CSMD1: variants seen among roughly 807,000 people sequenced by gnomAD.
CSMD1 encodes CUB and Sushi multiple domains 1.
CSMD1 carries 213 observed loss-of-function variants against 417.5 expected under a neutral mutation model. That is an observed-to-expected ratio of 0.51 (90% CI 0.46 to 0.57). CSMD1 has a LOEUF of 0.57. Ranked by LOEUF, CSMD1 falls within the 20% of genes least tolerant of loss-of-function variation. CSMD1 has a pLI of 0.00. For synonymous variants in CSMD1, 2,862 were observed against 1,736.8 expected (o/e 1.65, Z -16.11); for missense variants, 6,923 against 4,529.7 (o/e 1.53, Z -15.17).
In CSMD1 at chr8:3,394,628, G is replaced by C. The variant is rs965736308; in HGVS notation, c.2593+1566C>G. 0.04 allele frequency among the ~76,000 whole-genome samples: 5 copies of C among 124 alleles called. No individual in the cohort carries two copies. In the East Asian group the frequency reaches 0.5, roughly 12 times the overall value. The allele number at this position is 124 out of a possible 152,430, so 0.1% of individuals were successfully genotyped here. A position where few individuals can be genotyped will look rare whatever the true frequency, so the allele number is the denominator to read the frequency against. On this transcript the variant is annotated intron_variant, in intron 17 of 69. Coordinates refer to ENST00000635120, the MANE Select transcript of CSMD1 (RefSeq NM_033225.6). ...GTCAAGAAATTCTGGTGTAGAAAAA[G>C]TTGGGGGGAGGGGTGTGGGAGAGGA...
At chr8:4,710,811 C>T (rs192951083) in intron 1 of CSMD1, among the ~76,000 whole-genome samples, 76 of 151,584 alleles carry the variant, frequency 5.0e-4, no homozygotes, top group African/African-American at 1.7e-3. Flanking sequence ...CACCACTGCG[C>T]TCTAGCCTGG....
At chr8:4,782,035 T>G (rs1797176347) in intron 1 of CSMD1, among the ~76,000 whole-genome samples, 1 of 152,172 alleles carries the variant, frequency 6.6e-6, no homozygotes, top group Non-Finnish European at 1.5e-5. Context: ...CAGTCCAAAA[T>G]TATAGCCCAC....
chr8:4,250,434 G>C (rs550748045), intron 3 of CSMD1, among the ~76,000 whole-genome samples: 4 of 152,208 alleles, frequency 2.6e-5, no homozygotes, highest in African/African-American at 9.6e-5. Context: ...GCTCCCTGGG[G>C]AACATGCGTA....
At position 4,681,379 on chromosome 8, in the gene CSMD1, C is replaced by T. The variant is rs183844407; in HGVS notation, c.86-43821G>A. ...TGGTTTGCTAATTTCAGTGGGCATTCTTGCTGTCTCTTCAGTATCTATTTC... is the reference window on the plus strand; with the variant it reads ...TGGTTTGCTAATTTCAGTGGGCATTTTTGCTGTCTCTTCAGTATCTATTTC... On this transcript the variant is annotated intron_variant, in intron 1 of 69. Coordinates refer to ENST00000635120, the MANE Select transcript of CSMD1 (RefSeq NM_033225.6). Among the ~76,000 whole-genome samples the T allele has an allele frequency of 7.9e-5, 12 of 152,292 alleles. No homozygotes were observed. In the East Asian group the frequency reaches 2.3e-3, roughly 29 times the overall value.
intron 3 of CSMD1, among the ~76,000 whole-genome samples, chr8:4,086,858 T>C (rs1800448176): frequency 6.6e-6 from 1 of 152,212 alleles, no homozygotes; most frequent in Admixed American, 6.5e-5. Flanking sequence ...ATCACGTTTC[T>C]GGTAGCATAA....
At chr8:4,788,331 G>C (rs771592617) in intron 1 of CSMD1, 23 of 1,554,494 alleles carry the variant, frequency 1.5e-5, no homozygotes, top group East Asian at 4.6e-5. Flanking sequence ...AGTGATGTCT[G>C]GGAACACTGC....
chr8:4,701,458 T>C lies in CSMD1; in HGVS notation c.86-63900A>G, dbSNP rs1232279718. 7.2e-5 allele frequency among the ~76,000 whole-genome samples: 11 copies of C among 152,136 alleles called. No homozygotes were observed. In the East Asian group the frequency reaches 2.1e-3, roughly 30 times the overall value. Reference sequence around the variant, plus strand: ...TGGAGAGTCTGATGGGGAGGGGCCATGCACAGTACTCCTCCTCCCCGACCC... The same window carrying C: ...TGGAGAGTCTGATGGGGAGGGGCCACGCACAGTACTCCTCCTCCCCGACCC... On this transcript the variant is annotated intron_variant, in intron 1 of 69. Coordinates refer to ENST00000635120, the MANE Select transcript of CSMD1 (RefSeq NM_033225.6).
chr8:3,418,401 G>A (rs890851491), intron 12 of CSMD1, among the ~76,000 whole-genome samples: 1 of 152,166 alleles, frequency 6.6e-6, no homozygotes, highest in Non-Finnish European at 1.5e-5. Flanking sequence ...CTTTGTTGGT[G>A]ATCCTGCCCA....
intron 10 of CSMD1, among the ~76,000 whole-genome samples, chr8:3,570,529 G>C (rs1051926766): frequency 3.4e-5 from 5 of 148,212 alleles, no homozygotes; most frequent in Admixed American, 6.9e-5. Context: ...GACGTCTTGA[G>C]AACTGAGGGG....
chr8:3,118,394 C>G lies in CSMD1; in HGVS notation c.6430+5G>C, dbSNP rs761255596. 1 of 1,607,158 alleles carries G rather than the reference C, an allele frequency of 6.2e-7. No homozygotes were observed. The highest frequency in any genetic ancestry group is 8.5e-7 in the Non-Finnish European group (1 of 1,174,978). On this transcript the variant is annotated splice_donor_5th_base_variant and intron_variant, in intron 42 of 69. Transcript: ENST00000635120. ...AATCGCCCCCATGCAAAGTGATGAA[C>G]TTACCATCACATCTTGGAAAAGGGT...
At chr8:4,598,503 C>A (rs1448451236) in intron 2 of CSMD1, among the ~76,000 whole-genome samples, 1 of 152,126 alleles carries the variant, frequency 6.6e-6, no homozygotes, top group African/African-American at 2.4e-5. Context: ...TACCAAACTC[C>A]AGCTACAGGT....
rs1585601232 is a variant in CSMD1 at position 3,188,880 on chromosome 8, G to A, written c.5523+7C>T. 1 of 1,555,292 alleles carries A rather than the reference G, an allele frequency of 6.4e-7. No homozygotes were observed. Among genetic ancestry groups the A allele is most frequent in the Non-Finnish European group, 8.7e-7 (1 of 1,149,298 alleles). ...CCTGTTGTAGACTGTGGACTTCAAG[G>A]ACTCACCTGAATTCCCGAGCCCTCC... On this transcript the variant is annotated splice_region_variant and intron_variant, in intron 35 of 69. Coordinates refer to ENST00000635120, the MANE Select transcript of CSMD1 (RefSeq NM_033225.6).
intron 3 of CSMD1, among the ~76,000 whole-genome samples, chr8:4,160,821 G>C (rs772538022): frequency 2.0e-5 from 3 of 152,166 alleles, no homozygotes; most frequent in Non-Finnish European, 4.4e-5. Context: ...TATCAGAAAA[G>C]AAGAAGAAAA....
At chr8:4,653,326 G>A (rs1563073450) in intron 1 of CSMD1, among the ~76,000 whole-genome samples, 1 of 152,126 alleles carries the variant, frequency 6.6e-6, no homozygotes, top group Non-Finnish European at 1.5e-5. Context: ...CACATTAGAA[G>A]TTTAAGTAGA....
chr8:3,462,894 G>C (rs7001387), intron 12 of CSMD1, among the ~76,000 whole-genome samples: 3,301 of 152,262 alleles, frequency 0.022, 126 homozygotes, highest in African/African-American at 0.075. Context: ...AGATGGGCCA[G>C]CCTTTAGAGC....
chr8:3,612,454 G>T (rs1375730838), intron 8 of CSMD1, among the ~76,000 whole-genome samples: 2 of 152,034 alleles, frequency 1.3e-5, no homozygotes, highest in Non-Finnish European at 2.9e-5. Flanking sequence ...CAACCAACTT[G>T]ATCTAACTGA....
intron 3 of CSMD1, among the ~76,000 whole-genome samples, chr8:4,168,770 C>A (rs1180251171): frequency 6.6e-6 from 1 of 152,038 alleles, no homozygotes; most frequent in Admixed American, 6.5e-5. Context: ...ATTTCTTTTC[C>A]TTACAATAAA....
chr8:3,558,790 T>C (rs1799337858), intron 10 of CSMD1, among the ~76,000 whole-genome samples: 1 of 150,888 alleles, frequency 6.6e-6, no homozygotes, highest in African/African-American at 2.4e-5. Flanking sequence ...ACTCCTCCAA[T>C]GATGAATGGT....
chr8:4,109,148 G>C (rs1251104490), intron 3 of CSMD1, among the ~76,000 whole-genome samples: 1 of 152,086 alleles, frequency 6.6e-6, no homozygotes, highest in Non-Finnish European at 1.5e-5. Context: ...CAATGTAAAT[G>C]CTATGTAAAT....
Sources: allele counts gnomAD v4.1 joint callset (sites outside exome capture counted in the v4.1 genomes callset), GRCh38; gene constraint gnomAD v4.1.1; transcripts MANE v1.5; gene names NCBI Gene and HGNC (gene_info 2026-07-23, HGNC 2026-07-21).